Variants in SH2D7 observed in about 807,000 individuals in gnomAD.
The protein encoded by SH2D7 is SH2 domain containing 7.
Under a neutral mutation model 40.8 loss-of-function variants are expected in SH2D7, and 32 were observed. That is an observed-to-expected ratio of 0.78 (90% CI 0.59 to 1.05). SH2D7 has a LOEUF of 1.05. SH2D7 is among the 50% of genes least tolerant of loss of function. SH2D7 has a pLI of 0.00. For missense variants in SH2D7, 559 were observed against 566.6 expected (o/e 0.99, Z 0.14); for synonymous variants, 195 against 221.5 (o/e 0.88, Z 1.06).
intron 1 of SH2D7, 77 bp from the exon 2 acceptor site, chr15:78,094,035 C>T: frequency 7.0e-7 from 1 of 1,423,718 alleles, no homozygotes; most frequent in Non-Finnish European, 9.6e-7. Context: ...AGCAGGGATT[C>T]CAAGAGAGGC....
At chr15:78,100,154 T>A (rs1162566896) in intron 4 of SH2D7, among the ~76,000 whole-genome samples, 1 of 152,192 alleles carries the variant, frequency 6.6e-6, no homozygotes, top group Non-Finnish European at 1.5e-5. Context: ...GAATATAAAC[T>A]CCCAAGAGTT....
In SH2D7 at chr15:78,104,256, C is replaced by T. The variant is rs1165665797; in HGVS notation, c.*741C>T. Reference sequence around the variant, plus strand: ...AGAACACCATACGTGCCCCTCCTCCCTGCCCTGACCCTGGGCAGAGCGGGC... The same window carrying T: ...AGAACACCATACGTGCCCCTCCTCCTTGCCCTGACCCTGGGCAGAGCGGGC... On this transcript the variant is annotated 3_prime_UTR_variant, in exon 6 of 6. Coordinates refer to ENST00000328828, the MANE Select transcript of SH2D7 (RefSeq NM_001101404.2). This position sits in a 1 kb window ranked among gnomAD's most constrained non-coding sequence, Gnocchi z 4.4. 1 of 152,304 alleles carries T rather than the reference C, an allele frequency of 6.6e-6. No individual in the cohort carries two copies. Among genetic ancestry groups the T allele is most frequent in the African/African-American group, 2.4e-5 (1 of 41,456 alleles). 9.4% of individuals were successfully genotyped at this position (152,304 alleles called of 1,614,324 possible).
chr15:78,102,142 G>C lies in SH2D7; in HGVS notation c.1305+584G>C, dbSNP rs60536822. ...GTGGCCTGTAGTCTCAGCTACCTGG[G>C]GGGCAGAAGCAGGAGGATGGCTTGA... On this transcript the variant is annotated intron_variant, in intron 5 of 5. Transcript: ENST00000328828. 7.6e-3 allele frequency among the ~76,000 whole-genome samples: 1,159 copies of C among 152,134 alleles called. 16 individuals carry two copies. The highest frequency in any genetic ancestry group is 0.027 in the African/African-American group (1,104 of 41,474).
At chr15:78,097,722 G>C (rs2073981936) in intron 2 of SH2D7, among the ~76,000 whole-genome samples, 1 of 152,074 alleles carries the variant, frequency 6.6e-6, no homozygotes, top group Non-Finnish European at 1.5e-5. Flanking sequence ...CAGGATCCCA[G>C]GGCTCCACGG....
At position 78,098,491 on chromosome 15, in the gene SH2D7, G is replaced by C. The variant is rs775665882; in HGVS notation, c.540G>C (p.Lys180Asn). ...CATTCCTCACAGTGGTCCCCGACAAGGCCGCCAGCCCCCGCTCTTCTCCAA... is the reference window on the plus strand; with the variant it reads ...CATTCCTCACAGTGGTCCCCGACAACGCCGCCAGCCCCCGCTCTTCTCCAA... The part of the protein sequence containing the change: ...ATAFLTVVPD[K>N]AASPRSSPKP... Residue 180 changes from lysine (K) to asparagine (N), a missense_variant, in exon 4 of 6, where the codon AAG becomes AAC. Transcript: ENST00000328828. 2.5e-6 allele frequency: 4 copies of C among 1,614,004 alleles called. No individual in the cohort carries two copies. The highest frequency in any genetic ancestry group is 3.4e-6 in the Non-Finnish European group (4 of 1,179,886).
At chr15:78,097,104 T>G (rs1408304378) in intron 2 of SH2D7, among the ~76,000 whole-genome samples, 1 of 152,178 alleles carries the variant, frequency 6.6e-6, no homozygotes, top group African/African-American at 2.4e-5. Flanking sequence ...CAAGATATAA[T>G]GTTGAGTGAA....
chr15:78,102,172 G>C (rs1441687706), intron 5 of SH2D7, among the ~76,000 whole-genome samples: 1 of 152,060 alleles, frequency 6.6e-6, no homozygotes. Context: ...GCTTGAACCT[G>C]GGAGGTTAAA....
intron 2 of SH2D7, among the ~76,000 whole-genome samples, chr15:78,096,052 A>G (rs527980365): frequency 6.6e-6 from 1 of 152,290 alleles, no homozygotes; most frequent in African/African-American, 2.4e-5. Context: ...CATATTGGTC[A>G]GGCTGGTCTC....
chr15:78,099,178 G>A (rs530912608), intron 4 of SH2D7, among the ~76,000 whole-genome samples: 80 of 152,110 alleles, frequency 5.3e-4, no homozygotes, highest in African/African-American at 1.7e-3. Context: ...CACCACACCC[G>A]TCTAATTTTT....
intron 5 of SH2D7, among the ~76,000 whole-genome samples, chr15:78,102,552 A>G (rs1468082954): frequency 6.6e-5 from 10 of 151,808 alleles, no homozygotes. Flanking sequence ...TGGTGGTGGT[A>G]GTGGTGGTGG....
rs1404381096 is a variant in SH2D7, at chr15:78,103,573, G to A, written c.*58G>A. The A allele has an allele frequency of 6.5e-7, 1 of 1,542,610 alleles. No individual in the cohort carries two copies. Among genetic ancestry groups the A allele is most frequent in the Non-Finnish European group, 8.8e-7 (1 of 1,139,608 alleles). On this transcript the variant is annotated 3_prime_UTR_variant, in exon 6 of 6. Transcript: ENST00000328828. ...TCCTGGTACCCAGGCCATGCCAGGG[G>A]TTATCGCAAAGGCCTCAGCTCACTT...
At chr15:78,098,360 C>A (rs778893864) in intron 3 of SH2D7, 24 bp from the exon 4 acceptor site, 3 of 1,611,178 alleles carry the variant, frequency 1.9e-6, no homozygotes, top group Non-Finnish European at 2.5e-6. Context: ...TGACCACATA[C>A]CTGCCGTATC....
chr15:78,101,704 T>A, intron 5 of SH2D7, 146 bp downstream of exon 5: 1 of 1,011,002 alleles, frequency 9.9e-7, no homozygotes, highest in Non-Finnish European at 1.4e-6. Context: ...AATATCTGCC[T>A]AGAAGTGGTG....
intron 2 of SH2D7, 142 bp from the exon 3 acceptor site, chr15:78,097,787 A>G: frequency 2.0e-6 from 2 of 994,044 alleles, no homozygotes; most frequent in Non-Finnish European, 2.9e-6. Flanking sequence ...CAAGTGGGGT[A>G]CAGTGGCCCC....
chr15:78,092,756 C>A lies in SH2D7; in HGVS notation c.172C>A (p.Arg58Ser). The stretch of plus-strand genomic sequence containing the variant: ...TCCCTGGTTTCATGGATTCATCACC[C>A]GCAAGTAAGGCTGCTTCTACCCACA... ...LPPWFHGFIT[R>S]KQTEQLLRDK... Residue 58 changes from arginine (R) to serine (S), a missense_variant, in exon 1 of 6, where the codon CGC (arginine) becomes AGC (serine). Coordinates refer to ENST00000328828, the MANE Select transcript of SH2D7 (RefSeq NM_001101404.2). The A allele has an allele frequency of 6.2e-7, 1 of 1,607,256 alleles. No homozygotes were observed. The highest frequency in any genetic ancestry group is 1.3e-5 in the African/African-American group (1 of 74,946).
Position 78,101,039 on chromosome 15 carries a change from C to T in SH2D7, c.786C>T (p.Gly262=), listed in dbSNP as rs371660744. The T allele has an allele frequency of 1.1e-4, 181 of 1,610,424 alleles. 1 individual carries two copies. Among genetic ancestry groups the T allele is most frequent in the Non-Finnish European group, 1.4e-4 (167 of 1,178,442 alleles). Residue 262 remains glycine (G), a synonymous_variant, in exon 5 of 6, where the codon GGC becomes GGT. Coordinates refer to ENST00000328828, the MANE Select transcript of SH2D7 (RefSeq NM_001101404.2). ...TAGGCTTGGGCACAGAGGGGTCCGG[C>T]AGGCATGGGCCAGTTCCAGCTGGCA... is the stretch of plus-strand genomic sequence containing the variant. ...ARLGLGTEGS[G]RHGPVPAGSQ...
chr15:78,095,989 C>G (rs2073969839), intron 2 of SH2D7, among the ~76,000 whole-genome samples: 1 of 151,916 alleles, frequency 6.6e-6, no homozygotes, highest in African/African-American at 2.4e-5. Context: ...ACTACAGGCA[C>G]ACGCCACCAC....
rs2141872243 is a variant in SH2D7 at position 78,098,193 on chromosome 15, T to C, written c.432+99T>C. 4 of 1,456,780 alleles carry C rather than the reference T, an allele frequency of 2.7e-6. No homozygotes were observed. In the South Asian group the frequency reaches 5.6e-5, roughly 20 times the overall value. 90.2% of individuals were successfully genotyped at this position (1,456,780 alleles called of 1,614,324 possible). ...ATACTCCTTTTCAAGCCCTCCCTATTTACTATCACCCAGGGGCACTTGGTG... is the reference window on the plus strand; with the variant it reads ...ATACTCCTTTTCAAGCCCTCCCTATCTACTATCACCCAGGGGCACTTGGTG... On this transcript the variant is annotated intron_variant, in intron 3 of 5. Coordinates refer to ENST00000328828, the MANE Select transcript of SH2D7 (RefSeq NM_001101404.2).
intron 2 of SH2D7, among the ~76,000 whole-genome samples, chr15:78,096,460 A>C (rs2073972890): frequency 6.6e-6 from 1 of 152,188 alleles, no homozygotes; most frequent in South Asian, 2.1e-4. Flanking sequence ...GGAAAGACAG[A>C]ATATGTGGAA....
Sources: gnomAD v4.1 joint callset for allele counts (sites outside exome capture counted in the v4.1 genomes callset) on GRCh38, gnomAD v4.1.1 for gene constraint, Gnocchi (gnomAD v3.1) non-coding constraint, MANE v1.5 for transcripts, NCBI Gene and HGNC (gene_info 2026-07-23, HGNC 2026-07-21) for gene names.